The following SLC39A11 variants were observed in gnomAD, a reference collection of about 807,000 sequenced individuals.
SLC39A11 encodes zinc transporter ZIP11.
Under a neutral mutation model 36.1 loss-of-function variants are expected in SLC39A11, and 33 were observed. The observed-to-expected ratio is 0.91, with a 90% CI of 0.69 to 1.22. SLC39A11 has a LOEUF of 1.22. Ranked by LOEUF, SLC39A11 falls within the 50% of genes most tolerant of loss-of-function variation. SLC39A11 has a pLI of 0.00. For synonymous variants in SLC39A11, 166 were observed against 170.3 expected, an observed-to-expected ratio of 0.97 and a Z score of 0.20; for missense variants, 432 against 430.3, an observed-to-expected ratio of 1.00 and a Z score of -0.03.
At chr17:72,865,466 G>A (rs2080257246) in intron 5 of SLC39A11, among the ~76,000 whole-genome samples, 1 of 144,964 alleles carries the variant, frequency 6.9e-6, no homozygotes, top group African/African-American at 2.5e-5. Flanking sequence ...CAGGGTATGA[G>A]TTTCTACTTT....
chr17:73,000,494 A>G (rs1401161032), intron 4 of SLC39A11, among the ~76,000 whole-genome samples: 1 of 152,204 alleles, frequency 6.6e-6, no homozygotes, highest in Non-Finnish European at 1.5e-5. Context: ...GGCCAGTAGC[A>G]GTCTGCTCAG....
intron 6 of SLC39A11, among the ~76,000 whole-genome samples, chr17:72,784,111 G>A (rs759986469): frequency 1.3e-5 from 2 of 152,158 alleles, no homozygotes; most frequent in African/African-American, 2.4e-5. Flanking sequence ...TTGGGAGGCC[G>A]AGACAGGAAG....
At chr17:72,896,155 C>A (rs1015697463) in intron 5 of SLC39A11, among the ~76,000 whole-genome samples, 1 of 146,396 alleles carries the variant, frequency 6.8e-6, no homozygotes, top group Non-Finnish European at 1.5e-5. Flanking sequence ...TAATCTAAAA[C>A]CAAAAAGAGA....
chr17:72,916,803 T>C (rs952189616), intron 5 of SLC39A11, among the ~76,000 whole-genome samples: 3 of 152,090 alleles, frequency 2.0e-5, no homozygotes, highest in African/African-American at 7.2e-5. Flanking sequence ...CGCACCTCAA[T>C]TCATGGCAAG....
intron 5 of SLC39A11, among the ~76,000 whole-genome samples, chr17:72,893,098 C>G (rs1375542003): frequency 2.0e-5 from 3 of 152,272 alleles, no homozygotes; most frequent in South Asian, 2.1e-4. Flanking sequence ...AAACAATACC[C>G]ACTACCAACT....
intron 7 of SLC39A11, among the ~76,000 whole-genome samples, chr17:72,728,429 G>A (rs752751290): frequency 2.2e-4 from 34 of 152,032 alleles, no homozygotes; most frequent in Non-Finnish European, 4.6e-4. Context: ...GTGACAGAGT[G>A]AGACCCTGTC....
intron 5 of SLC39A11, among the ~76,000 whole-genome samples, chr17:72,878,048 C>T (rs1337991504): frequency 6.8e-6 from 1 of 147,296 alleles, no homozygotes; most frequent in Non-Finnish European, 1.5e-5. Flanking sequence ...CAATTCCCGC[C>T]TATGAGTGAG....
At position 72,853,123 on chromosome 17, in the gene SLC39A11, T is replaced by C. The variant is rs538922338; in HGVS notation, c.431-3319A>G. ...TCCACCTCCCAGGCTCAAGCAATCC[T>C]CCCACCTCGGCCTCCCAAGTAGCTG... On this transcript the variant is annotated intron_variant, in intron 5 of 9. Coordinates refer to ENST00000255559, the MANE Select transcript of SLC39A11 (RefSeq NM_139177.4). Among the ~76,000 whole-genome samples the C allele has an allele frequency of 4.0e-5, 6 of 151,410 alleles. No homozygotes were observed. The South Asian group carries it at 1.3e-3, about 32-fold the overall frequency.
At chr17:72,744,495 A>C (rs78254682) in intron 6 of SLC39A11, among the ~76,000 whole-genome samples, 7,963 of 152,322 alleles carry the variant, frequency 0.052, 338 homozygotes, top group African/African-American at 0.12. Context: ...GAAAGCAAAC[A>C]ATAAAAAACA....
chr17:72,809,417 A>G (rs1264430865), intron 6 of SLC39A11, among the ~76,000 whole-genome samples: 1 of 152,094 alleles, frequency 6.6e-6, no homozygotes, highest in Non-Finnish European at 1.5e-5. Context: ...CCTGTTTGCG[A>G]TCCCATCTCT....
At chr17:72,871,056 G>GTTTTTTTTTTTTTTTTGTTTTTTTTTTT (rs2080592683) in intron 5 of SLC39A11, among the ~76,000 whole-genome samples, 1 of 124,314 alleles carries the variant, frequency 8.0e-6, no homozygotes, top group Non-Finnish European at 1.7e-5. Flanking sequence ...TTTTGTTTTT[G>GTTTTTTTTTTTTTTTTGTTTTTTTTTTT]TTTTTTTTTT....
At chr17:72,706,121 C>A (rs1012732939) in intron 7 of SLC39A11, among the ~76,000 whole-genome samples, 1 of 152,190 alleles carries the variant, frequency 6.6e-6, no homozygotes, top group Non-Finnish European at 1.5e-5. Context: ...CAGCTGCCTG[C>A]CGACACCTTG....
chr17:72,728,136 G>A (rs116927260), intron 7 of SLC39A11, among the ~76,000 whole-genome samples: 2 of 152,086 alleles, frequency 1.3e-5, no homozygotes, highest in Non-Finnish European at 2.9e-5. Flanking sequence ...CTAAAGGAGG[G>A]GTCTAACGCT....
At chr17:72,706,436 C>T (rs2143189446) in intron 7 of SLC39A11, among the ~76,000 whole-genome samples, 1 of 152,258 alleles carries the variant, frequency 6.6e-6, no homozygotes, top group Non-Finnish European at 1.5e-5. Context: ...CAGTGGAGCA[C>T]AGGGGCGTGT....
chr17:72,773,587 T>G (rs1305178615), intron 6 of SLC39A11, among the ~76,000 whole-genome samples: 1 of 151,458 alleles, frequency 6.6e-6, no homozygotes, highest in East Asian at 1.9e-4. Context: ...AATTACCCAG[T>G]CTCAGGTATG....
At chr17:72,722,783 T>C (rs376212345) in intron 7 of SLC39A11, among the ~76,000 whole-genome samples, 4 of 152,096 alleles carry the variant, frequency 2.6e-5, no homozygotes, top group African/African-American at 9.7e-5. Flanking sequence ...TACAGGTGCC[T>C]GCCACCAAGC....
chr17:72,932,406 C>T (rs2084462387), intron 5 of SLC39A11, among the ~76,000 whole-genome samples: 5 of 152,004 alleles, frequency 3.3e-5, no homozygotes, highest in Admixed American at 3.3e-4. Context: ...AACCCGTCAC[C>T]TACATTAGGT....
chr17:72,822,816 G>A (rs2077851663), intron 6 of SLC39A11, among the ~76,000 whole-genome samples: 1 of 151,092 alleles, frequency 6.6e-6, no homozygotes, highest in Non-Finnish European at 1.5e-5. Context: ...CTGGGCTCAA[G>A]CAATCCTCTC....
chr17:72,769,646 G>A (rs2075868559), intron 6 of SLC39A11, among the ~76,000 whole-genome samples: 1 of 151,984 alleles, frequency 6.6e-6, no homozygotes, highest in South Asian at 2.1e-4. Context: ...CTGGGTTCAA[G>A]TGATTCTCCT....
Sources: gnomAD v4.1 joint callset for allele counts (sites outside exome capture counted in the v4.1 genomes callset) on GRCh38, gnomAD v4.1.1 for gene constraint, MANE v1.5 for transcripts, NCBI Gene and HGNC (gene_info 2026-07-23, HGNC 2026-07-21) for gene names.